Variants in ACYP2 observed in about 807,000 individuals in gnomAD.
The protein encoded by ACYP2 is acylphosphatase 2.
A neutral mutation model predicts 11.2 loss-of-function variants in ACYP2; 12 were observed. The ratio of observed to expected loss-of-function variants is 1.08; its 90% CI spans 0.69 to 1.74. The LOEUF is 1.74. ACYP2 is among the 40% of genes most tolerant of loss of function. ACYP2 has a pLI of 0.00. For synonymous variants in ACYP2, 43 were observed against 32.2 expected (o/e 1.33, Z -1.13); for missense variants, 134 against 101.9 (o/e 1.31, Z -1.35).
intron 2 of ACYP2, among the ~76,000 whole-genome samples, chr2:54,001,363 G>T (rs538120512): frequency 1.3e-5 from 2 of 151,822 alleles, no homozygotes; most frequent in Non-Finnish European, 2.9e-5. Flanking sequence ...GTGAGACCTC[G>T]TCTCTAAAAA....
chr2:54,288,956 G>A (rs1471111841), intron 6 of ACYP2, among the ~76,000 whole-genome samples: 2 of 151,848 alleles, frequency 1.3e-5, no homozygotes, highest in African/African-American at 4.9e-5. Context: ...TAACTTCTGC[G>A]ACCCCAAGCT....
chr2:53,972,457 A>G (rs1182478647), intron 1 of ACYP2, among the ~76,000 whole-genome samples: 251 of 127,180 alleles, frequency 2.0e-3, no homozygotes, highest in Middle Eastern at 0.019. Context: ...ATACAAAAAA[A>G]TTAGCCGGGC....
chr2:54,258,393 G>C (rs780854232), intron 6 of ACYP2, among the ~76,000 whole-genome samples: 6 of 152,220 alleles, frequency 3.9e-5, no homozygotes, highest in Non-Finnish European at 8.8e-5. Context: ...TAAGACAGGA[G>C]CATGTCTGGA....
At chr2:53,994,916 G>A (rs72799293) in intron 2 of ACYP2, among the ~76,000 whole-genome samples, 5,669 of 152,190 alleles carry the variant, frequency 0.037, 333 homozygotes, top group East Asian at 0.28. Flanking sequence ...AAGATGGTCT[G>A]TCATGTAGCG....
intron 6 of ACYP2, among the ~76,000 whole-genome samples, chr2:54,146,907 G>C (rs968098117): frequency 6.6e-6 from 1 of 151,220 alleles, no homozygotes; most frequent in Non-Finnish European, 1.5e-5. Flanking sequence ...CAGTTCTCCT[G>C]CCTCAGCCTC....
At chr2:54,200,451 A>G (rs1481784444) in intron 6 of ACYP2, among the ~76,000 whole-genome samples, 1 of 152,126 alleles carries the variant, frequency 6.6e-6, no homozygotes, top group Non-Finnish European at 1.5e-5. Flanking sequence ...GGCAACCACT[A>G]ATCTACTGTC....
At chr2:54,226,499 G>A (rs1382554348) in intron 6 of ACYP2, among the ~76,000 whole-genome samples, 1 of 152,228 alleles carries the variant, frequency 6.6e-6, no homozygotes, top group Non-Finnish European at 1.5e-5. Context: ...TAAGAAAGAA[G>A]TGTTAATGTT....
intron 6 of ACYP2, among the ~76,000 whole-genome samples, chr2:54,183,815 T>C: frequency 6.6e-6 from 1 of 152,210 alleles, no homozygotes; most frequent in Non-Finnish European, 1.5e-5. Context: ...GAAAATCTTA[T>C]AATTTAATCT....
intron 4 of ACYP2, among the ~76,000 whole-genome samples, chr2:54,118,561 A>C (rs1367825786): frequency 2.6e-5 from 4 of 152,216 alleles, no homozygotes; most frequent in Admixed American, 6.5e-5. Flanking sequence ...CTGACTTTAA[A>C]AGTTGTGCTT....
intron 6 of ACYP2, among the ~76,000 whole-genome samples, chr2:54,195,217 A>G (rs1055708383): frequency 5.9e-5 from 9 of 152,180 alleles, no homozygotes; most frequent in East Asian, 1.9e-4. Flanking sequence ...GTTAGATTCT[A>G]TGGTATAGAG....
At chr2:54,053,234 C>A (rs558100555) in intron 3 of ACYP2, among the ~76,000 whole-genome samples, 20 of 152,322 alleles carry the variant, frequency 1.3e-4, no homozygotes, top group African/African-American at 4.6e-4. Context: ...ATGGCTTTCA[C>A]CCTGTCCTAT....
At chr2:54,263,115 G>C (rs1288427737) in intron 6 of ACYP2, among the ~76,000 whole-genome samples, 3 of 152,152 alleles carry the variant, frequency 2.0e-5, no homozygotes, top group African/African-American at 7.2e-5. Context: ...AAAGAAAAAA[G>C]TGTAATTGGT....
intron 6 of ACYP2, among the ~76,000 whole-genome samples, chr2:54,192,926 T>C (rs1003881107): frequency 2.6e-5 from 4 of 152,178 alleles, no homozygotes; most frequent in African/African-American, 9.6e-5. Context: ...ACTACCCCCA[T>C]GATTCAGTTA....
intron 6 of ACYP2, chr2:54,141,869 GCT>G (rs1394088840): frequency 7.9e-6 from 5 of 635,452 alleles, no homozygotes; most frequent in African/African-American, 3.6e-5. Context: ...CAAGGGTCTT[GCT>G]CTCTCTCCTA....
rs1049340329 is a variant in ACYP2, at chr2:54,057,238, G to C, written c.156-1G>C. On this transcript the variant is annotated splice_acceptor_variant, in intron 3 of 6. Coordinates refer to ENST00000607452, the MANE Select transcript of ACYP2 (RefSeq NM_001320586.2). LOFTEE classifies it high-confidence loss of function. ...ACTGTTCTCACATATTTTGTTTCCA[G>C]CTATAAATTCATACAATTATCAGAG... 2.5e-6 allele frequency: 1 copy of C among 397,752 alleles called. No homozygotes were observed. Among genetic ancestry groups the C allele is most frequent in the Non-Finnish European group, 4.4e-6 (1 of 225,562 alleles). 24.6% of individuals were successfully genotyped at this position (397,752 alleles called of 1,614,324 possible).
At chr2:54,255,566 G>GGGGCCT (rs1558647233) in intron 6 of ACYP2, 1 of 1,612,574 alleles carries the variant, frequency 6.2e-7, no homozygotes, top group African/African-American at 1.3e-5. Context: ...CCCACGTTCA[G>GGGGCCT]GGGCCCGGGC....
At chr2:54,111,412 A>G (rs1178633488) in intron 4 of ACYP2, among the ~76,000 whole-genome samples, 2 of 152,198 alleles carry the variant, frequency 1.3e-5, no homozygotes, top group Non-Finnish European at 2.9e-5. Flanking sequence ...ACTCAGTACC[A>G]AGCTGGGAGA....
intron 4 of ACYP2, among the ~76,000 whole-genome samples, chr2:54,091,651 A>G (rs1479033873): frequency 1.3e-5 from 2 of 152,032 alleles, no homozygotes; most frequent in East Asian, 3.9e-4. Context: ...AGCTAGGACT[A>G]CAGTTGTGTG....
intron 4 of ACYP2, among the ~76,000 whole-genome samples, chr2:54,097,500 A>T (rs895411867): frequency 3.9e-5 from 6 of 152,250 alleles, no homozygotes; most frequent in Non-Finnish European, 7.3e-5. Flanking sequence ...TGACAATAAC[A>T]ACACAACAAC....
Sources: gnomAD v4.1 joint callset for allele counts (sites outside exome capture counted in the v4.1 genomes callset) on GRCh38, gnomAD v4.1.1 for gene constraint, MANE v1.5 for transcripts, NCBI Gene and HGNC (gene_info 2026-07-23, HGNC 2026-07-21) for gene names.